The following VPS33B variants were observed in gnomAD, a reference collection of about 807,000 sequenced individuals.
VPS33B encodes the protein VPS33B late endosome and lysosome associated.
A neutral mutation model predicts 95.3 loss-of-function variants in VPS33B; 80 were observed. The ratio of observed to expected loss-of-function variants is 0.84; its 90% CI spans 0.70 to 1.01. The LOEUF (loss-of-function observed/expected upper bound fraction) is 1.01, where lower values mean the gene tolerates loss of function less well. Among genes scored for constraint, VPS33B ranks in the 50% least tolerant of loss-of-function variants. The pLI is 0.00. For synonymous variants in VPS33B, 280 were observed against 280.4 expected (o/e 1.00, Z 0.01); for missense variants, 715 against 773.4 (o/e 0.92, Z 0.90).
In VPS33B at chr15:91,013,881, G is replaced by C; in HGVS notation, c.290-10C>G. ...TCAGCATTGACAAGACCTACAGAGA[G>C]AAGGAATGCAGCCCAGCAAGTCATG... On this transcript the variant is annotated splice_polypyrimidine_tract_variant and intron_variant, in intron 4 of 22. Transcript: ENST00000333371. The surrounding 1 kb of genome is among the most constrained non-coding windows in gnomAD (Gnocchi z 4.5). 2 of 1,614,076 alleles carry C rather than the reference G, an allele frequency of 1.2e-6. No individual in the cohort carries two copies. Among genetic ancestry groups the C allele is most frequent in the Non-Finnish European group, 1.7e-6 (2 of 1,179,982 alleles).
rs76311991 is a variant in VPS33B at position 91,018,261 on chromosome 15, C to T, written c.97-376G>A. 2.8e-3 allele frequency among the ~76,000 whole-genome samples: 428 copies of T among 152,276 alleles called. 2 individuals are homozygous for T. The highest frequency in any genetic ancestry group is 9.8e-3 in the African/African-American group (407 of 41,566). On this transcript the variant is annotated intron_variant, in intron 1 of 22. Coordinates refer to ENST00000333371, the MANE Select transcript of VPS33B (RefSeq NM_018668.5). The surrounding 1 kb of genome is among the most constrained non-coding windows in gnomAD (Gnocchi z 4.7). ...CTGAACAAAGCCAAACACAACAGAA[C>T]CCCACCTTGCATTTTTCTCCTAAGT...
Position 90,999,884 on chromosome 15 carries a change from T to G in VPS33B, c.1657+16A>C. 1 of 1,614,196 alleles carries G rather than the reference T, an allele frequency of 6.2e-7. No homozygotes were observed. ...ACCTCTCACTGCCAGCCTACCCCAC[T>G]GTTAATGCCACATACCTGTGAATGC... On this transcript the variant is annotated intron_variant, in intron 21 of 22. Coordinates refer to ENST00000333371, the MANE Select transcript of VPS33B (RefSeq NM_018668.5). The surrounding 1 kb of genome is among the most constrained non-coding windows in gnomAD (Gnocchi z 5.1).
In VPS33B at chr15:91,000,561, T is replaced by A; in HGVS notation, c.1510A>T (p.Lys504Ter). ...ACGTAAGCCATGTCTCGGGGCACTT[T>A]CAGATCATACTCGCCGTCCACACGT... ...IPRVDGEYDL[K>*]VPRDMAYVFG... Residue 504 changes from lysine to a stop codon, truncating the protein, a stop_gained, in exon 20 of 23, where the codon AAA becomes TAA. Coordinates refer to ENST00000333371, the MANE Select transcript of VPS33B (RefSeq NM_018668.5). LOFTEE classifies it high-confidence loss of function. This position sits in a 1 kb window ranked among gnomAD's most constrained non-coding sequence, Gnocchi z 4.9. 6.2e-7 allele frequency: 1 copy of A among 1,613,264 alleles called. No homozygotes were observed. Among genetic ancestry groups the A allele is most frequent in the Non-Finnish European group, 8.5e-7 (1 of 1,179,524 alleles).
Position 91,002,285 on chromosome 15 carries a change from G to A in VPS33B, c.1273-103C>T. On this transcript the variant is annotated intron_variant, in intron 17 of 22. Coordinates refer to ENST00000333371, the MANE Select transcript of VPS33B (RefSeq NM_018668.5). This position sits in a 1 kb window ranked among gnomAD's most constrained non-coding sequence, Gnocchi z 4.7. The stretch of plus-strand genomic sequence containing the variant: ...GAAGGACTATGAAGCCTCTGCTGCA[G>A]TGTGAAGGAGCTCACACTTTGTTGA... The A allele has an allele frequency of 2.7e-6, 4 of 1,490,708 alleles. No individual in the cohort carries two copies. In the South Asian group the frequency reaches 3.6e-5, roughly 13 times the overall value. The allele number at this position is 1,490,708 out of a possible 1,614,324, so 92.3% of individuals were successfully genotyped here. A position where few individuals can be genotyped will look rare whatever the true frequency, so the allele number is the denominator to read the frequency against.
rs1338180846 is a variant in VPS33B, at chr15:90,999,401, C to T, written c.1774+276G>A. 2 of 504,682 alleles carry T rather than the reference C, an allele frequency of 4.0e-6. No individual in the cohort carries two copies. Among genetic ancestry groups the T allele is most frequent in the African/African-American group, 3.9e-5 (2 of 51,656 alleles). 31.3% of individuals were successfully genotyped at this position (504,682 alleles called of 1,614,324 possible). Reference sequence around the variant, plus strand: ...TGGTGCAATCTCAGCTCACTGCAACCTCCACCTCCCGGGTTCAAGCAATTC... The same window carrying T: ...TGGTGCAATCTCAGCTCACTGCAACTTCCACCTCCCGGGTTCAAGCAATTC... On this transcript the variant is annotated intron_variant, in intron 22 of 22. Coordinates refer to ENST00000333371, the MANE Select transcript of VPS33B (RefSeq NM_018668.5). This position sits in a 1 kb window ranked among gnomAD's most constrained non-coding sequence, Gnocchi z 5.1.
chr15:91,014,515 A>G, intron 3 of VPS33B, 82 bp from the exon 4 acceptor site: 1 of 1,503,832 alleles, frequency 6.6e-7, no homozygotes, highest in Non-Finnish European at 9.2e-7. Context: ...AACAATACCA[A>G]CTCTTTTGCC....
At position 91,011,205 on chromosome 15, in the gene VPS33B, A is replaced by G. The variant is rs1483452520; in HGVS notation, c.358-1359T>C. ...AAAGGGTGAATATTTTAAAGTAATGAGAAAGAATGCTGAGGGCACTCACAT... is the reference window on the plus strand; with the variant it reads ...AAAGGGTGAATATTTTAAAGTAATGGGAAAGAATGCTGAGGGCACTCACAT... On this transcript the variant is annotated intron_variant, in intron 5 of 22. Transcript: ENST00000333371. The surrounding 1 kb of genome is among the most constrained non-coding windows in gnomAD (Gnocchi z 5.5). Among the ~76,000 whole-genome samples, 1 of 152,230 alleles carries G rather than the reference A, an allele frequency of 6.6e-6. No homozygotes were observed. Among genetic ancestry groups the G allele is most frequent in the African/African-American group, 2.4e-5 (1 of 41,452 alleles).
Position 91,002,241 on chromosome 15 carries a change from G to C in VPS33B, c.1273-59C>G. 6.3e-7 allele frequency: 1 copy of C among 1,599,750 alleles called. No individual in the cohort carries two copies. Among genetic ancestry groups the C allele is most frequent in the Admixed American group, 1.7e-5 (1 of 58,924 alleles). On this transcript the variant is annotated intron_variant, in intron 17 of 22. Coordinates refer to ENST00000333371, the MANE Select transcript of VPS33B (RefSeq NM_018668.5). This position sits in a 1 kb window ranked among gnomAD's most constrained non-coding sequence, Gnocchi z 4.7. ...GTCCAAAGAGCATCTAGTACTGTCA[G>C]GTACTACAGAGTTGAGCAGAAGGAC...
At position 91,006,039 on chromosome 15, in the gene VPS33B, G is replaced by C. The variant is rs570695901; in HGVS notation, c.873C>G (p.Asn291Lys). 1.2e-6 allele frequency: 2 copies of C among 1,614,184 alleles called. No homozygotes were observed. Among genetic ancestry groups the C allele is most frequent in the Admixed American group, 3.3e-5 (2 of 60,020 alleles). ...AEDKVFNEIR[N>K]EHFSNVFGFL... ...AGCCAAAGACATTGGAGAAGTGCTCGTTCCGAATCTCATTAAACACCTGTG... is the reference window on the plus strand; with the variant it reads ...AGCCAAAGACATTGGAGAAGTGCTCCTTCCGAATCTCATTAAACACCTGTG... The change falls in exon 12 of 23, where the codon AAC (asparagine) becomes AAG (lysine). Residue 291 changes from asparagine (N) to lysine (K), a missense_variant. Asn to Lys is a moderately conservative substitution (Grantham distance 94, BLOSUM62 0). Coordinates refer to ENST00000333371, the MANE Select transcript of VPS33B (RefSeq NM_018668.5). This position sits in a 1 kb window ranked among gnomAD's most constrained non-coding sequence, Gnocchi z 5.4.
At chr15:91,014,609 C>T (rs72759387) in intron 3 of VPS33B, among the ~76,000 whole-genome samples, 176 bp from the exon 4 acceptor site, 3 of 152,304 alleles carry the variant, frequency 2.0e-5, no homozygotes, top group Non-Finnish European at 4.4e-5. Flanking sequence ...TACCTCTCAA[C>T]ACAATGGGTA....
Position 91,013,938 on chromosome 15 carries a change from G to A in VPS33B, c.290-67C>T. ...CTGTTATGCTAGAAACAGGGAAGCT[G>A]CCGGGCACAGTGGTTCACGCCTGTA... is the stretch of plus-strand genomic sequence containing the variant. On this transcript the variant is annotated intron_variant, in intron 4 of 22. Transcript: ENST00000333371. The surrounding 1 kb of genome is among the most constrained non-coding windows in gnomAD (Gnocchi z 4.5). 6.3e-7 allele frequency: 1 copy of A among 1,583,376 alleles called. No homozygotes were observed. Among genetic ancestry groups the A allele is most frequent in the Non-Finnish European group, 8.7e-7 (1 of 1,152,504 alleles).
In VPS33B at chr15:90,999,315, C is replaced by T. The variant is rs940175659; in HGVS notation, c.1775-261G>A. The T allele has an allele frequency of 1.3e-4, 73 of 559,706 alleles. No homozygotes were observed. Among genetic ancestry groups the T allele is most frequent in the Non-Finnish European group, 1.9e-4 (61 of 316,102 alleles). The allele number at this position is 559,706 out of a possible 1,614,324, so 34.7% of individuals were successfully genotyped here. On this transcript the variant is annotated intron_variant, in intron 22 of 22. Coordinates refer to ENST00000333371, the MANE Select transcript of VPS33B (RefSeq NM_018668.5). The surrounding 1 kb of genome is among the most constrained non-coding windows in gnomAD (Gnocchi z 5.1). ...AAATATTCCTGTGCAGGACACTTTG[C>T]GTGTTTTTTTTTTTTCTCTTGAGAT...
In VPS33B at chr15:91,006,313, C is replaced by T. The variant is rs2040601721; in HGVS notation, c.852+59G>A. 1.6e-6 allele frequency: 2 copies of T among 1,214,266 alleles called. No homozygotes were observed. The highest frequency in any genetic ancestry group is 2.2e-6 in the Non-Finnish European group (2 of 913,220). 75.2% of individuals were successfully genotyped at this position (1,214,266 alleles called of 1,614,324 possible). ...CACAGCCTGGTATAAGCAGGGGGCC[C>T]ACAGCCTGGTATAAGCAGTGGCCCT... is the stretch of plus-strand genomic sequence containing the variant. On this transcript the variant is annotated intron_variant, in intron 11 of 22. Transcript: ENST00000333371. The surrounding 1 kb of genome is among the most constrained non-coding windows in gnomAD (Gnocchi z 5.4).
Position 91,002,127 on chromosome 15 carries a change from A to G in VPS33B, c.1328T>C (p.Leu443Pro). 1 of 1,614,178 alleles carries G rather than the reference A, an allele frequency of 6.2e-7. No individual in the cohort carries two copies. The highest frequency in any genetic ancestry group is 1.1e-5 in the South Asian group (1 of 91,088). The change falls in exon 18 of 23, where the codon CTA (leucine) becomes CCA (proline). Residue 443 changes from leucine (L) to proline (P), a missense_variant. Coordinates refer to ENST00000333371, the MANE Select transcript of VPS33B (RefSeq NM_018668.5). This position sits in a 1 kb window ranked among gnomAD's most constrained non-coding sequence, Gnocchi z 4.7. ...TFSNLRRAGL[L>P]TEQAPGDTLT... ...GGTGTCCCCGGGGGCCTGCTCCGTT[A>G]GGAGCCCAGCTCTTCGCAGATTGGA... is the stretch of plus-strand genomic sequence containing the variant.
chr15:91,021,786 C>A (rs1382725128), intron 1 of VPS33B, among the ~76,000 whole-genome samples: 1 of 152,242 alleles, frequency 6.6e-6, no homozygotes, highest in East Asian at 1.9e-4. Context: ...GTGAACTCTT[C>A]GGGTACACTA....
chr15:90,999,775 T>C lies in VPS33B; in HGVS notation c.1676A>G (p.Lys559Arg), dbSNP rs1318683006. ...FAFTDMTKEDKASSESLRLIL... is the reference protein window; with the variant it reads ...FAFTDMTKEDRASSESLRLIL... ...GAGGCGCAGGGACTCACTGGAAGCC[T>C]TGTCTTCCTTAGTCATATCTGTGAG... is the stretch of plus-strand genomic sequence containing the variant. The change falls in exon 22 of 23, where the codon AAG (lysine) becomes AGG (arginine). Residue 559 changes from lysine to arginine, a missense_variant. Transcript: ENST00000333371. The surrounding 1 kb of genome is among the most constrained non-coding windows in gnomAD (Gnocchi z 5.1). 1.2e-6 allele frequency: 2 copies of C among 1,613,916 alleles called. No individual in the cohort carries two copies. The highest frequency in any genetic ancestry group is 2.7e-5 in the African/African-American group (2 of 74,868).
In VPS33B at chr15:91,018,356, C is replaced by T. The variant is rs12161921; in HGVS notation, c.97-471G>A. 0.27 allele frequency among the ~76,000 whole-genome samples: 41,332 copies of T among 151,942 alleles called. 6,122 individuals are homozygous for T. The highest frequency in any genetic ancestry group is 0.54 in the East Asian group (2,764 of 5,146). ...CCAGGACAGTCCTCACCCCATCACC[C>T]TTCCACTCCCCCACCCCACAATCCC... On this transcript the variant is annotated intron_variant, in intron 1 of 22. Coordinates refer to ENST00000333371, the MANE Select transcript of VPS33B (RefSeq NM_018668.5). This position sits in a 1 kb window ranked among gnomAD's most constrained non-coding sequence, Gnocchi z 4.7.
In VPS33B at chr15:90,998,855, A is replaced by G. The variant is rs1596347152; in HGVS notation, c.*120T>C. 3.9e-6 allele frequency: 4 copies of G among 1,017,298 alleles called. No homozygotes were observed. The East Asian group carries it at 7.6e-5, about 19-fold the overall frequency. 63.0% of individuals were successfully genotyped at this position (1,017,298 alleles called of 1,614,324 possible). ...TGTTCTCTAAATCCCAACACGTTCC[A>G]TGCTCCCGGCTCTTAGCAGGTAGTT... On this transcript the variant is annotated 3_prime_UTR_variant, in exon 23 of 23. Coordinates refer to ENST00000333371, the MANE Select transcript of VPS33B (RefSeq NM_018668.5). The surrounding 1 kb of genome is among the most constrained non-coding windows in gnomAD (Gnocchi z 4.8).
At position 91,015,088 on chromosome 15, in the gene VPS33B, C is replaced by T. The variant is rs982275920; in HGVS notation, c.240-655G>A. Reference sequence around the variant, plus strand: ...TGGTGGCTCACACCTGTAATCCCAGCACTTTGGGAGGCAGAGGCGGGTGGA... The same window carrying T: ...TGGTGGCTCACACCTGTAATCCCAGTACTTTGGGAGGCAGAGGCGGGTGGA... On this transcript the variant is annotated intron_variant, in intron 3 of 22. Transcript: ENST00000333371. This position sits in a 1 kb window ranked among gnomAD's most constrained non-coding sequence, Gnocchi z 4.7. 1.3e-5 allele frequency among the ~76,000 whole-genome samples: 2 copies of T among 152,058 alleles called. No homozygotes were observed. Among genetic ancestry groups the T allele is most frequent in the Non-Finnish European group, 2.9e-5 (2 of 68,002 alleles).
Sources: allele counts gnomAD v4.1 joint callset (sites outside exome capture counted in the v4.1 genomes callset), GRCh38; gene constraint gnomAD v4.1.1; non-coding constraint Gnocchi (gnomAD v3.1); transcripts MANE v1.5; gene names NCBI Gene and HGNC (gene_info 2026-07-23, HGNC 2026-07-21).